ABCA4: variants seen among roughly 807,000 people sequenced by gnomAD.
The protein encoded by ABCA4 is retinal-specific phospholipid-transporting ATPase ABCA4.
Under a neutral mutation model 263.7 loss-of-function variants are expected in ABCA4, and 196 were observed. The observed-to-expected ratio is 0.74, with a 90% CI of 0.66 to 0.84. The LOEUF is 0.84. Among genes scored for constraint, ABCA4 ranks in the 40% least tolerant of loss-of-function variants. The probability of loss-of-function intolerance (pLI) is 0.00; values close to 1 mark genes in which losing one functional copy is unlikely to be tolerated. For synonymous variants in ABCA4, 1,133 were observed against 1,094.2 expected, an observed-to-expected ratio of 1.04 and a Z score of -0.70; for missense variants, 2,792 against 2,855.1, an observed-to-expected ratio of 0.98 and a Z score of 0.50.
At position 94,053,975 on chromosome 1, in the gene ABCA4, C is replaced by T. The variant is rs185107816; in HGVS notation, c.2587+1136G>A. 2.6e-3 allele frequency among the ~76,000 whole-genome samples: 394 copies of T among 152,336 alleles called. 1 individual carries two copies. The highest frequency in any genetic ancestry group is 8.8e-3 in the African/African-American group (367 of 41,580). The stretch of plus-strand genomic sequence containing the variant: ...CCATGGACTGGACCAGCCTCACCAT[C>T]CCCTGCCTGCTTTTGGCTACAGCAT... On this transcript the variant is annotated intron_variant, in intron 16 of 49. Coordinates refer to ENST00000370225, the MANE Select transcript of ABCA4 (RefSeq NM_000350.3).
Position 94,015,862 on chromosome 1 carries a change from AG to A in ABCA4, c.5197-9del, listed in dbSNP as rs1394376566. 1.9e-6 allele frequency: 3 copies of A among 1,607,608 alleles called. No individual in the cohort carries two copies. In the Admixed American group the frequency reaches 5.1e-5, roughly 27 times the overall value. On this transcript the variant is annotated splice_polypyrimidine_tract_variant and intron_variant, in intron 36 of 49. Coordinates refer to ENST00000370225, the MANE Select transcript of ABCA4 (RefSeq NM_000350.3). ...ACTCACGGAATAATTCATCTCGGAAAGAGAAGAGGAGAGCAAGTCACTTAAC... is the reference window on the plus strand; with the variant it reads ...ACTCACGGAATAATTCATCTCGGAAAAGAAGAGGAGAGCAAGTCACTTAAC...
At chr1:94,017,332 G>C (rs1355458338) in intron 36 of ABCA4, among the ~76,000 whole-genome samples, 2 of 152,192 alleles carry the variant, frequency 1.3e-5, no homozygotes, top group Non-Finnish European at 2.9e-5. Flanking sequence ...TGAGAACACA[G>C]CATCTGTTTG....
At chr1:94,012,278 A>G (rs1659569000) in intron 38 of ABCA4, among the ~76,000 whole-genome samples, 1 of 152,214 alleles carries the variant, frequency 6.6e-6, no homozygotes. Context: ...AGGCCTGGGC[A>G]TGTGCAGGCT....
intron 19 of ABCA4, among the ~76,000 whole-genome samples, 174 bp downstream of exon 19, chr1:94,046,745 G>C (rs952922365): frequency 3.3e-5 from 5 of 152,196 alleles, no homozygotes; most frequent in African/African-American, 1.2e-4. Context: ...TCCCCATCAA[G>C]AGAATACATA....
At chr1:94,053,862 C>A (rs1660903625) in intron 16 of ABCA4, among the ~76,000 whole-genome samples, 2 of 152,346 alleles carry the variant, frequency 1.3e-5, no homozygotes, top group African/African-American at 4.8e-5. Flanking sequence ...AGTCTAGAAG[C>A]CTTCCTCCTA....
In ABCA4 at chr1:94,005,597, G is replaced by A. The variant is rs766977896; in HGVS notation, c.6006-15C>T. ...TGGTTAAAATACTGCAAGAAAAAAA[G>A]CAATTACTGAGTATCCTTCAAGGAG... On this transcript the variant is annotated splice_polypyrimidine_tract_variant and intron_variant, in intron 43 of 49. Transcript: ENST00000370225. The A allele has an allele frequency of 1.1e-5, 17 of 1,613,234 alleles. No homozygotes were observed. The African/African-American group carries it at 2.0e-4, about 19-fold the overall frequency.
In ABCA4 at chr1:94,008,813, T is replaced by C. The variant is rs757449019; in HGVS notation, c.5773A>G (p.Arg1925Gly). 6.8e-6 allele frequency: 11 copies of C among 1,613,774 alleles called. No individual in the cohort carries two copies. Among genetic ancestry groups the C allele is most frequent in the Non-Finnish European group, 7.6e-6 (9 of 1,179,994 alleles). Reference sequence around the variant, plus strand: ...TTTCCACCAGTAATAATTCTTTGTCTTTCTTCAGCCACATCATCATCTTCA... The same window carrying C: ...TTTCCACCAGTAATAATTCTTTGTCCTTCTTCAGCCACATCATCATCTTCA... ...VDEDDDVAEE[R>G]QRIITGGNKT... The change falls in exon 41 of 50, where the codon AGA becomes GGA. Residue 1925 changes from arginine to glycine, a missense_variant. By Grantham distance (125) the Arg-to-Gly change is moderately radical. Coordinates refer to ENST00000370225, the MANE Select transcript of ABCA4 (RefSeq NM_000350.3).
chr1:94,060,453 G>A, intron 14 of ABCA4, 84 bp downstream of exon 14: 3 of 1,311,902 alleles, frequency 2.3e-6, no homozygotes, highest in Non-Finnish European at 3.3e-6. Flanking sequence ...GTGGCCACAT[G>A]ACTAATCCAG....
chr1:94,055,329 G>C lies in ABCA4; in HGVS notation c.2383-14C>G. On this transcript the variant is annotated splice_polypyrimidine_tract_variant and intron_variant, in intron 15 of 49. Coordinates refer to ENST00000370225, the MANE Select transcript of ABCA4 (RefSeq NM_000350.3). ...AGACAGTAAGCTCTGCAGTGAGGCG[G>C]AGAGGGCACAGAAAAAGAGCAGTGC... 6.2e-7 allele frequency: 1 copy of C among 1,613,260 alleles called. No homozygotes were observed. Among genetic ancestry groups the C allele is most frequent in the African/African-American group, 1.3e-5 (1 of 75,008 alleles).
At chr1:94,091,682 A>G (rs536555615) in intron 6 of ABCA4, among the ~76,000 whole-genome samples, 1 of 152,000 alleles carries the variant, frequency 6.6e-6, no homozygotes, top group Non-Finnish European at 1.5e-5. Context: ...TAACTCTTCC[A>G]TGTCACACAT....
In ABCA4 at chr1:94,021,225, G is replaced by T. The variant is rs758119555; in HGVS notation, c.5018+15C>A. The T allele has an allele frequency of 3.1e-6, 5 of 1,613,984 alleles. No individual in the cohort carries two copies. Among genetic ancestry groups the T allele is most frequent in the Non-Finnish European group, 4.2e-6 (5 of 1,180,010 alleles). On this transcript the variant is annotated intron_variant, in intron 35 of 49. Coordinates refer to ENST00000370225, the MANE Select transcript of ABCA4 (RefSeq NM_000350.3). ...GTGACAAGAAAGTGGTGAGGCTGGG[G>T]CTGTGGTGGCTTACACTGTAATCTC...
intron 5 of ABCA4, among the ~76,000 whole-genome samples, chr1:94,099,565 T>G (rs1423967479): frequency 6.6e-6 from 1 of 152,224 alleles, no homozygotes; most frequent in African/African-American, 2.4e-5. Flanking sequence ...TACAGCATGA[T>G]GTTACAGTAC....
rs1268934159 is a variant in ABCA4 at position 94,042,748 on chromosome 1, C to A, written c.3328+13G>T. Reference sequence around the variant, plus strand: ...TGAGAGCCCAGCCCAGGAGACTGAGCAGCAGCTGTTACCTGAGCGATACTT... The same window carrying A: ...TGAGAGCCCAGCCCAGGAGACTGAGAAGCAGCTGTTACCTGAGCGATACTT... On this transcript the variant is annotated intron_variant, in intron 22 of 49. Coordinates refer to ENST00000370225, the MANE Select transcript of ABCA4 (RefSeq NM_000350.3). 2 of 1,614,078 alleles carry A rather than the reference C, an allele frequency of 1.2e-6. No homozygotes were observed. The highest frequency in any genetic ancestry group is 1.7e-6 in the Non-Finnish European group (2 of 1,180,042).
chr1:94,093,954 C>G (rs1662046777), intron 6 of ABCA4, among the ~76,000 whole-genome samples: 1 of 152,168 alleles, frequency 6.6e-6, no homozygotes. Context: ...CAAAAACCTT[C>G]CTGATTTAGT....
intron 24 of ABCA4, 53 bp from the exon 25 acceptor site, chr1:94,037,403 C>T: frequency 1.3e-6 from 2 of 1,554,014 alleles, no homozygotes; most frequent in East Asian, 2.2e-5. Context: ...AACTGGAAGA[C>T]TGTGAGGTTA....
At chr1:94,112,388 CGAGA>C (rs1474067479) in intron 2 of ABCA4, among the ~76,000 whole-genome samples, 1 of 152,056 alleles carries the variant, frequency 6.6e-6, no homozygotes, top group Non-Finnish European at 1.5e-5. Flanking sequence ...CTCTTTAAAA[CGAGA>C]GAGTTTAGGT....
chr1:94,055,303 G>A lies in ABCA4; in HGVS notation c.2395C>T (p.Pro799Ser), dbSNP rs1660945696. ...ELKKAVSLLS[P>S]VAFGFGTEYL... The stretch of plus-strand genomic sequence containing the variant: ...TCAGTGCCAAATCCAAATGCCACCG[G>A]AGACAGTAAGCTCTGCAGTGAGGCG... Residue 799 changes from proline (P) to serine (S), a missense_variant, in exon 16 of 50, where the codon CCG becomes TCG. Coordinates refer to ENST00000370225, the MANE Select transcript of ABCA4 (RefSeq NM_000350.3). The A allele has an allele frequency of 1.2e-6, 2 of 1,614,106 alleles. No homozygotes were observed. Among genetic ancestry groups the A allele is most frequent in the East Asian group, 2.2e-5 (1 of 44,874 alleles).
chr1:94,083,259 C>T, intron 7 of ABCA4, 93 bp downstream of exon 7: 2 of 1,137,028 alleles, frequency 1.8e-6, no homozygotes, highest in Non-Finnish European at 2.6e-6. Context: ...TTTCCTTGAA[C>T]AGGTTTGAAA....
chr1:94,105,024 TG>T (rs370329630), intron 4 of ABCA4, among the ~76,000 whole-genome samples: 217 of 152,206 alleles, frequency 1.4e-3, no homozygotes, highest in Non-Finnish European at 2.3e-3. Flanking sequence ...CGCACGCATA[TG>T]CAGACATACA....
Sources: allele counts gnomAD v4.1 joint callset (sites outside exome capture counted in the v4.1 genomes callset), GRCh38; gene constraint gnomAD v4.1.1; transcripts MANE v1.5; gene names NCBI Gene and HGNC (gene_info 2026-07-23, HGNC 2026-07-21).